Variants in BRD4 observed in about 807,000 individuals in gnomAD.
The protein encoded by BRD4 is bromodomain-containing protein 4.
Under a neutral mutation model 142.1 loss-of-function variants are expected in BRD4, and 16 were observed. The ratio of observed to expected loss-of-function variants is 0.11; its 90% CI spans 0.08 to 0.17. The LOEUF (loss-of-function observed/expected upper bound fraction) is 0.17, where lower values mean the gene tolerates loss of function less well. BRD4 is among the 10% of genes least tolerant of loss of function. The pLI is 1.00. For synonymous variants in BRD4, 833 were observed against 707.5 expected (o/e 1.18, Z -2.82); for missense variants, 1,424 against 1,810.9 (o/e 0.79, Z 3.88).
At chr19:15,285,572 G>GA (rs376389659) in intron 1 of BRD4, among the ~76,000 whole-genome samples, 1,775 of 147,766 alleles carry the variant, frequency 0.012, 21 homozygotes, top group African/African-American at 0.042. Flanking sequence ...CTCAAAAAAA[G>GA]AAAAAAAAAT....
Position 15,243,246 on chromosome 19 carries a change from AG to A in BRD4, c.2822del (p.Pro941LeufsTer8). ...YLQQLQKVQPPTPLLPSVKVQ... is the reference protein window; with the variant it reads ...YLQQLQKVQPXTPLLPSVKVQ... Reference sequence around the variant, plus strand: ...CCTTCACGGAAGGGAGTAGCGGCGTAGGGGGCTGCACCTTCTGCAGCTGCTG... The same window carrying A: ...CCTTCACGGAAGGGAGTAGCGGCGTAGGGGCTGCACCTTCTGCAGCTGCTG... On this transcript the variant is annotated frameshift_variant, in exon 14 of 20. Coordinates refer to ENST00000679869, the MANE Select transcript of BRD4 (RefSeq NM_001379291.1). LOFTEE classifies it high-confidence loss of function. The A allele has an allele frequency of 7.5e-7, 1 of 1,324,958 alleles. No individual in the cohort carries two copies. 82.1% of individuals were successfully genotyped at this position (1,324,958 alleles called of 1,614,324 possible). A position where few individuals can be genotyped will look rare whatever the true frequency, so the allele number is the denominator to read the frequency against.
At chr19:15,276,493 C>T (rs2145635207) in intron 1 of BRD4, among the ~76,000 whole-genome samples, 1 of 152,198 alleles carries the variant, frequency 6.6e-6, no homozygotes, top group East Asian at 1.9e-4. Flanking sequence ...GACATAGGCT[C>T]ACAGACTCTC....
chr19:15,243,200 G>T lies in BRD4; in HGVS notation c.2869C>A (p.Pro957Thr), dbSNP rs770471285. The T allele has an allele frequency of 8.5e-7, 1 of 1,171,340 alleles. No homozygotes were observed. The highest frequency in any genetic ancestry group is 1.6e-5 in the African/African-American group (1 of 62,826). 72.6% of individuals were successfully genotyped at this position (1,171,340 alleles called of 1,614,324 possible). ...SVKVQSQPPP[P>T]LPPPPHPSVQ... ...GAGGGGTGGGGTGGGGGCGGCAGGGGGGGTGGGGGCTGGGACTGCACCTTC... is the reference window on the plus strand; with the variant it reads ...GAGGGGTGGGGTGGGGGCGGCAGGGTGGGTGGGGGCTGGGACTGCACCTTC... Residue 957 changes from proline to threonine, a missense_variant, in exon 14 of 20, where the codon CCC becomes ACC. By Grantham distance (38) the Pro-to-Thr change is conservative. This residue lies in a region of BRD4 where 598 missense variants were observed against 647.8 expected (regional missense o/e 0.92). Transcript: ENST00000679869.
intron 1 of BRD4, among the ~76,000 whole-genome samples, chr19:15,322,900 A>G (rs2048076006): frequency 6.8e-6 from 1 of 148,078 alleles, no homozygotes; most frequent in African/African-American, 2.5e-5. Flanking sequence ...GAAAAGAAAA[A>G]TTAGCCGGGT....
chr19:15,258,997 TG>T (rs2047441280), intron 7 of BRD4, among the ~76,000 whole-genome samples: 1 of 150,800 alleles, frequency 6.6e-6, no homozygotes, highest in African/African-American at 2.4e-5. Flanking sequence ...CTCCCAGGAG[TG>T]GGGCCCAGGG....
intron 1 of BRD4, among the ~76,000 whole-genome samples, chr19:15,289,026 A>T (rs1156655512): frequency 2.6e-5 from 4 of 152,220 alleles, no homozygotes; most frequent in African/African-American, 9.6e-5. Context: ...ACCTAGGGAA[A>T]GCAAACTACA....
At chr19:15,313,004 G>A (rs752872555) in intron 1 of BRD4, among the ~76,000 whole-genome samples, 4 of 152,100 alleles carry the variant, frequency 2.6e-5, no homozygotes, top group Non-Finnish European at 5.9e-5. Flanking sequence ...ACTGGAGGGT[G>A]GAGGTTGCCA....
Position 15,272,995 on chromosome 19 carries a change from G to A in BRD4, c.105C>T (p.Pro35=). 1 of 1,614,204 alleles carries A rather than the reference G, an allele frequency of 6.2e-7. No homozygotes were observed. The highest frequency in any genetic ancestry group is 8.5e-7 in the Non-Finnish European group (1 of 1,180,038). ...QMSTTQAQAQ[P]QPANAASTNP... ...TGGTGCTGGCTGCGTTGGCTGGCTGGGGTTGGGCCTGGGCCTGTGTTGTAG... is the reference window on the plus strand; with the variant it reads ...TGGTGCTGGCTGCGTTGGCTGGCTGAGGTTGGGCCTGGGCCTGTGTTGTAG... The change falls in exon 2 of 20, where the codon CCC becomes CCT. Residue 35 remains proline, a synonymous_variant. Transcript: ENST00000679869.
At chr19:15,264,927 C>T (rs2047515586) in intron 5 of BRD4, among the ~76,000 whole-genome samples, 161 bp from the exon 6 acceptor site, 1 of 152,222 alleles carries the variant, frequency 6.6e-6, no homozygotes, top group Admixed American at 6.5e-5. Flanking sequence ...ACAGGCAGAT[C>T]GTGTCCCACC....
At chr19:15,252,073 G>C (rs1181368677) in intron 11 of BRD4, among the ~76,000 whole-genome samples, 1 of 152,136 alleles carries the variant, frequency 6.6e-6, no homozygotes, top group Non-Finnish European at 1.5e-5. Flanking sequence ...TTTAAAGTGG[G>C]GGAGTGAAAA....
chr19:15,300,532 G>A (rs765635908), intron 1 of BRD4, among the ~76,000 whole-genome samples: 1 of 152,046 alleles, frequency 6.6e-6, no homozygotes, highest in Non-Finnish European at 1.5e-5. Flanking sequence ...TCCAGCCTGG[G>A]TGATAGTGGG....
chr19:15,331,019 A>C (rs1245367861), intron 1 of BRD4, among the ~76,000 whole-genome samples: 1 of 152,118 alleles, frequency 6.6e-6, no homozygotes, highest in African/African-American at 2.4e-5. Flanking sequence ...GTCGAAGGTA[A>C]GCAAAGACAT....
intron 1 of BRD4, among the ~76,000 whole-genome samples, chr19:15,325,577 T>G (rs1452527389): frequency 1.3e-5 from 2 of 152,154 alleles, no homozygotes; most frequent in Non-Finnish European, 2.9e-5. Context: ...GAAAAAATGT[T>G]TAAAATCTCA....
Position 15,264,705 on chromosome 19 carries a change from T to C in BRD4, c.911A>G (p.His304Arg). ...TTTPTTIDPI[H>R]EPPSLPPEPK... ...CTCCGGGGGCAGCGAGGGTGGCTCGTGAATGGGGTCAATGGTGGTGGGGGT... is the reference window on the plus strand; with the variant it reads ...CTCCGGGGGCAGCGAGGGTGGCTCGCGAATGGGGTCAATGGTGGTGGGGGT... Residue 304 changes from histidine to arginine, a missense_variant, in exon 6 of 20, where the codon CAC becomes CGC. By Grantham distance (29) the His-to-Arg change is conservative. Around this residue, in one of 16 missense-constraint regions of BRD4, gnomAD observed 86 missense variants for 79.9 expected, o/e 1.08. Coordinates refer to ENST00000679869, the MANE Select transcript of BRD4 (RefSeq NM_001379291.1). The C allele has an allele frequency of 6.2e-7, 1 of 1,613,034 alleles. No individual in the cohort carries two copies. Among genetic ancestry groups the C allele is most frequent in the Non-Finnish European group, 8.5e-7 (1 of 1,179,998 alleles).
At chr19:15,287,869 G>A (rs1219310593) in intron 1 of BRD4, among the ~76,000 whole-genome samples, 1 of 151,336 alleles carries the variant, frequency 6.6e-6, no homozygotes, top group Non-Finnish European at 1.5e-5. Context: ...TCCTGGGTTC[G>A]GCGATTCTTG....
At chr19:15,290,345 T>C (rs1468951977) in intron 1 of BRD4, among the ~76,000 whole-genome samples, 1 of 152,208 alleles carries the variant, frequency 6.6e-6, no homozygotes, top group Non-Finnish European at 1.5e-5. Context: ...AATGGAATTT[T>C]TGATGCGCCT....
intron 1 of BRD4, among the ~76,000 whole-genome samples, chr19:15,294,425 G>C (rs905361032): frequency 6.6e-6 from 1 of 152,270 alleles, no homozygotes; most frequent in Non-Finnish European, 1.5e-5. Context: ...TCCAAAAGGG[G>C]ATGAGAAGAG....
rs533513682 is a variant in BRD4 at position 15,254,574 on chromosome 19, T to C, written c.2048-312A>G. Among the ~76,000 whole-genome samples the C allele has an allele frequency of 5.3e-5, 8 of 152,264 alleles. No individual in the cohort carries two copies. In the East Asian group the frequency reaches 1.4e-3, roughly 26 times the overall value. ...TCCTAACACAAGGTACCGCTGGGCA[T>C]AAGGCTTGGATTCTCCCAGTTACTC... On this transcript the variant is annotated intron_variant, in intron 10 of 19. Coordinates refer to ENST00000679869, the MANE Select transcript of BRD4 (RefSeq NM_001379291.1).
chr19:15,274,870 T>A (rs1445321016), intron 1 of BRD4, among the ~76,000 whole-genome samples: 1 of 139,842 alleles, frequency 7.2e-6, no homozygotes, highest in Non-Finnish European at 1.6e-5. Context: ...TGAATTTTCC[T>A]TTTTTTTTTT....
Sources: gnomAD v4.1 joint callset for allele counts (sites outside exome capture counted in the v4.1 genomes callset) on GRCh38, gnomAD v4.1.1 for gene constraint, gnomAD v4.1.1 regional missense constraint, MANE v1.5 for transcripts, NCBI Gene and HGNC (gene_info 2026-07-23, HGNC 2026-07-21) for gene names.